Variants in PDLIM1 observed in about 807,000 individuals in gnomAD.
The protein encoded by PDLIM1 is PDZ and LIM domain protein 1.
Under a neutral mutation model 35.2 loss-of-function variants are expected in PDLIM1, and 25 were observed. The ratio of observed to expected loss-of-function variants is 0.71; its 90% CI spans 0.52 to 0.99. PDLIM1 has a LOEUF of 0.99. Ranked by LOEUF, PDLIM1 falls within the 50% of genes least tolerant of loss-of-function variation. The probability of loss-of-function intolerance (pLI) is 0.00; values close to 1 mark genes in which losing one functional copy is unlikely to be tolerated. For synonymous variants in PDLIM1, 152 were observed against 154.0 expected (o/e 0.99, Z 0.10); for missense variants, 363 against 415.3 (o/e 0.87, Z 1.09).
At chr10:95,250,887 C>A (rs564526096) in intron 4 of PDLIM1, among the ~76,000 whole-genome samples, 2 of 152,180 alleles carry the variant, frequency 1.3e-5, no homozygotes, top group Admixed American at 6.5e-5. Flanking sequence ...TATTTTAGGA[C>A]GTGACCTGAG....
Position 95,268,861 on chromosome 10 carries a change from A to C in PDLIM1, c.250T>G (p.Ser84Ala). 6.3e-7 allele frequency: 1 copy of C among 1,597,632 alleles called. No homozygotes were observed. The highest frequency in any genetic ancestry group is 8.6e-7 in the Non-Finnish European group (1 of 1,164,968). Residue 84 changes from serine (S) to alanine (A), a missense_variant and splice_region_variant, in exon 3 of 7, where the codon TCT (serine) becomes GCT (alanine). Transcript: ENST00000329399. Reference protein sequence around the residue: ...TDNLTLTVARSEHKVWSPLVT... With the variant: ...TDNLTLTVARAEHKVWSPLVT... Reference sequence around the variant, plus strand: ...AGAGGAGACCAGACTTTATGTTCAGATCTGCAACAGATTAACAAAGCTGCT... The same window carrying C: ...AGAGGAGACCAGACTTTATGTTCAGCTCTGCAACAGATTAACAAAGCTGCT...
intron 1 of PDLIM1, among the ~76,000 whole-genome samples, chr10:95,289,483 CTT>C (rs1240218287): frequency 6.6e-6 from 1 of 152,146 alleles, no homozygotes; most frequent in East Asian, 1.9e-4. Flanking sequence ...CCCGCCTACT[CTT>C]TTAGGGGGGT....
In PDLIM1 at chr10:95,270,671, G is replaced by A. The variant is rs564383279; in HGVS notation, c.248+962C>T. Among the ~76,000 whole-genome samples the A allele has an allele frequency of 1.8e-4, 28 of 152,274 alleles. No individual in the cohort carries two copies. The South Asian group carries it at 5.6e-3, about 31-fold the overall frequency. Reference sequence around the variant, plus strand: ...TTACACTCAGTACTCTGCTGCTAATGTGTTCAAGTTTTTCTCTGTTATTGC... The same window carrying A: ...TTACACTCAGTACTCTGCTGCTAATATGTTCAAGTTTTTCTCTGTTATTGC... On this transcript the variant is annotated intron_variant, in intron 2 of 6. Coordinates refer to ENST00000329399, the MANE Select transcript of PDLIM1 (RefSeq NM_020992.4).
intron 1 of PDLIM1, among the ~76,000 whole-genome samples, chr10:95,282,855 G>C (rs2035572386): frequency 6.6e-6 from 1 of 152,118 alleles, no homozygotes; most frequent in South Asian, 2.1e-4. Flanking sequence ...GAGGTGGGAG[G>C]ATCACTTGAA....
At chr10:95,288,494 C>T (rs189904869) in intron 1 of PDLIM1, among the ~76,000 whole-genome samples, 109 of 152,114 alleles carry the variant, frequency 7.2e-4, no homozygotes, top group Non-Finnish European at 1.2e-3. Context: ...TCACTATTTA[C>T]GGAGCACTCT....
In PDLIM1 at chr10:95,263,483, C is replaced by G. The variant is rs375654603; in HGVS notation, c.533+381G>C. ...AAGCACAGGCTACTCTAGATTCCCTCAAACACTCCCCGACTAATAATACTG... is the reference window on the plus strand; with the variant it reads ...AAGCACAGGCTACTCTAGATTCCCTGAAACACTCCCCGACTAATAATACTG... On this transcript the variant is annotated intron_variant, in intron 4 of 6. Coordinates refer to ENST00000329399, the MANE Select transcript of PDLIM1 (RefSeq NM_020992.4). 3.9e-5 allele frequency among the ~76,000 whole-genome samples: 6 copies of G among 151,962 alleles called. 2 individuals carry two copies. In the South Asian group the frequency reaches 1.2e-3, roughly 32 times the overall value.
intron 1 of PDLIM1, among the ~76,000 whole-genome samples, chr10:95,288,930 T>A (rs527471557): frequency 6.6e-6 from 1 of 152,332 alleles, no homozygotes; most frequent in South Asian, 2.1e-4. Context: ...TACGTGCTCA[T>A]TAAACACGTG....
chr10:95,260,037 C>T (rs1474357165), intron 4 of PDLIM1, among the ~76,000 whole-genome samples: 1 of 152,194 alleles, frequency 6.6e-6, no homozygotes, highest in African/African-American at 2.4e-5. Context: ...CTGTAGCCCC[C>T]AGTTCTCAGA....
At chr10:95,288,357 G>A (rs2035619776) in intron 1 of PDLIM1, among the ~76,000 whole-genome samples, 1 of 152,188 alleles carries the variant, frequency 6.6e-6, no homozygotes, top group South Asian at 2.1e-4. Flanking sequence ...TTGCTTTGGT[G>A]TGGAGACTCA....
At chr10:95,272,739 G>A (rs1424268465) in intron 1 of PDLIM1, among the ~76,000 whole-genome samples, 1 of 151,900 alleles carries the variant, frequency 6.6e-6, no homozygotes, top group Admixed American at 6.6e-5. Flanking sequence ...CTAAAGTATG[G>A]TAGTATAGGT....
In PDLIM1 at chr10:95,258,865, A is replaced by G. The variant is rs113765486; in HGVS notation, c.533+4999T>C. Reference sequence around the variant, plus strand: ...AACCCATAAAACAGAAAAAAAAGGAACAAACTATTGATACATAAACCTATC... The same window carrying G: ...AACCCATAAAACAGAAAAAAAAGGAGCAAACTATTGATACATAAACCTATC... On this transcript the variant is annotated intron_variant, in intron 4 of 6. Coordinates refer to ENST00000329399, the MANE Select transcript of PDLIM1 (RefSeq NM_020992.4). Among the ~76,000 whole-genome samples, 1,419 of 152,320 alleles carry G rather than the reference A, an allele frequency of 9.3e-3. 13 individuals are homozygous for G. The highest frequency in any genetic ancestry group is 0.032 in the African/African-American group (1,326 of 41,578).
rs868041713 is a variant in PDLIM1 at position 95,271,729 on chromosome 10, G to A, written c.152C>T (p.Thr51Ile). 7 of 1,612,918 alleles carry A rather than the reference G, an allele frequency of 4.3e-6. No individual in the cohort carries two copies. In the African/African-American group the frequency reaches 8.0e-5, roughly 18 times the overall value. Residue 51 changes from threonine to isoleucine, a missense_variant, in exon 2 of 7, where the codon ACA becomes ATA. Thr to Ile is a moderately conservative substitution (Grantham distance 89). Coordinates refer to ENST00000329399, the MANE Select transcript of PDLIM1 (RefSeq NM_020992.4). Reference protein sequence around the residue: ...LANLCIGDVITAIDGENTSNM... With the variant: ...LANLCIGDVIIAIDGENTSNM... ...GCTAGTATTTTCCCCATCAATGGCT[G>A]TGATTACATCTCCAATACATAAATT... is the stretch of plus-strand genomic sequence containing the variant.
chr10:95,243,605 T>G (rs530874320), intron 5 of PDLIM1, among the ~76,000 whole-genome samples: 432 of 152,258 alleles, frequency 2.8e-3, no homozygotes, highest in Non-Finnish European at 3.2e-3. Context: ...CCTCGGTACT[T>G]GCTGAACTAG....
intron 1 of PDLIM1, among the ~76,000 whole-genome samples, chr10:95,276,598 G>C (rs1239223405): frequency 6.6e-6 from 1 of 152,140 alleles, no homozygotes; most frequent in East Asian, 1.9e-4. Flanking sequence ...CAAAATGACA[G>C]CCATCAGTTA....
At chr10:95,280,156 A>T (rs45579834) in intron 1 of PDLIM1, among the ~76,000 whole-genome samples, 2 of 152,170 alleles carry the variant, frequency 1.3e-5, no homozygotes, top group African/African-American at 2.4e-5. Flanking sequence ...TGGGTGGATC[A>T]CTAGAGGTCA....
At chr10:95,262,019 AAAAAG>A (rs1422973351) in intron 4 of PDLIM1, among the ~76,000 whole-genome samples, 4 of 152,050 alleles carry the variant, frequency 2.6e-5, no homozygotes, top group African/African-American at 7.2e-5. Flanking sequence ...AAAAAAAAAA[AAAAAG>A]AAAGAAAGAA....
intron 1 of PDLIM1, among the ~76,000 whole-genome samples, chr10:95,280,837 AC>A (rs1349082324): frequency 5.9e-5 from 9 of 152,134 alleles, no homozygotes; most frequent in African/African-American, 1.9e-4. Flanking sequence ...CCAGAAATCA[AC>A]CCCACTCACC....
chr10:95,275,536 G>A lies in PDLIM1; in HGVS notation c.97-3752C>T, dbSNP rs1589518058. ...GTGTTGTTAAATATGTAATCAGCCTGCTTCATTTTATCCTTTAAAATGAAT... is the reference window on the plus strand; with the variant it reads ...GTGTTGTTAAATATGTAATCAGCCTACTTCATTTTATCCTTTAAAATGAAT... On this transcript the variant is annotated intron_variant, in intron 1 of 6. Transcript: ENST00000329399. Among the ~76,000 whole-genome samples the A allele has an allele frequency of 5.3e-5, 8 of 152,254 alleles. 2 individuals are homozygous for A. Among genetic ancestry groups the A allele is most frequent in the Admixed American group, 5.2e-4 (8 of 15,284 alleles).
intron 4 of PDLIM1, among the ~76,000 whole-genome samples, chr10:95,257,923 G>A (rs1256699665): frequency 1.3e-5 from 2 of 152,166 alleles, no homozygotes; most frequent in Non-Finnish European, 2.9e-5. Context: ...GTATTCGTGT[G>A]TTTTCATGCC....
Sources: allele counts gnomAD v4.1 joint callset (sites outside exome capture counted in the v4.1 genomes callset), GRCh38; gene constraint gnomAD v4.1.1; transcripts MANE v1.5; gene names NCBI Gene and HGNC (gene_info 2026-07-23, HGNC 2026-07-21).